EED: variants seen among roughly 807,000 people sequenced by gnomAD.
EED encodes the protein polycomb protein EED.
Under a neutral mutation model 61.0 loss-of-function variants are expected in EED, and 9 were observed. The ratio of observed to expected loss-of-function variants is 0.15; its 90% confidence interval spans 0.09 to 0.26. The LOEUF (loss-of-function observed/expected upper bound fraction) is 0.26. Among genes scored for constraint, EED ranks in the 10% least tolerant of loss-of-function variants. EED has a pLI of 1.00. For synonymous variants in EED, 187 were observed against 174.4 expected (o/e 1.07, Z -0.57); for missense variants, 315 against 542.3 (o/e 0.58, Z 4.16).
intron 6 of EED, among the ~76,000 whole-genome samples, chr11:86,263,052 C>T (rs2138186940): frequency 1.3e-5 from 2 of 152,278 alleles, no homozygotes; most frequent in East Asian, 3.9e-4. Flanking sequence ...AAGTGATCCT[C>T]CTGCCTCAAT....
intron 9 of EED, 179 bp from the exon 10 acceptor site, chr11:86,276,801 G>A (rs1246203937): frequency 7.3e-6 from 3 of 411,712 alleles, no homozygotes; most frequent in Non-Finnish European, 1.3e-5. Flanking sequence ...CAGATTTCTT[G>A]TCCTTAAGTA....
chr11:86,247,753 T>C (rs1302853359), intron 1 of EED, among the ~76,000 whole-genome samples: 1 of 152,176 alleles, frequency 6.6e-6, no homozygotes, highest in Non-Finnish European at 1.5e-5. Flanking sequence ...ATAAGGGCAA[T>C]AGTTTTACTC....
chr11:86,256,528 T>G lies in EED; in HGVS notation c.552+16T>G. 6.5e-7 allele frequency: 1 copy of G among 1,539,312 alleles called. No homozygotes were observed. The highest frequency in any genetic ancestry group is 8.8e-7 in the Non-Finnish European group (1 of 1,136,912). On this transcript the variant is annotated intron_variant, in intron 5 of 11. Transcript: ENST00000263360. ...GTGTATAAAGGTGGGTTTTTCTGGT[T>G]AAATTGTAGATCTGCTTCTTTTGAA...
chr11:86,248,741 G>GGGCGCA (rs3070868), intron 1 of EED, among the ~76,000 whole-genome samples: 3,613 of 152,238 alleles, frequency 0.024, 149 homozygotes, highest in East Asian at 0.14. Context: ...AGTTGTGGCT[G>GGGCGCA]GGCGCAGTGG....
downstream of EED, among the ~76,000 whole-genome samples, chr11:86,281,629 T>A (rs965098274): frequency 6.6e-6 from 1 of 152,198 alleles, no homozygotes; most frequent in Non-Finnish European, 1.5e-5. Context: ...CATTTTCATT[T>A]GTCTCAAGGT....
chr11:86,284,006 C>T, the EED span: 7 of 152,306 alleles, frequency 4.6e-5, no homozygotes, highest in Non-Finnish European at 1.0e-4. Context: ...TCGTGTCTCC[C>T]ACTTTGACTG....
chr11:86,273,390 T>C lies in EED; in HGVS notation c.967-3590T>C, dbSNP rs551819898. ...TTTATAATTGTCTTAAATATTTATT[T>C]GTATTTGAGAACCATATCAGTTTTT... On this transcript the variant is annotated intron_variant, in intron 9 of 11. Coordinates refer to ENST00000263360, the MANE Select transcript of EED (RefSeq NM_003797.5). 1.4e-4 allele frequency among the ~76,000 whole-genome samples: 22 copies of C among 152,384 alleles called. No individual in the cohort carries two copies. In the East Asian group the frequency reaches 4.0e-3, roughly 28 times the overall value.
chr11:86,255,327 A>T (rs1400603399), intron 4 of EED, 40 bp downstream of exon 4: 1 of 1,502,436 alleles, frequency 6.7e-7, no homozygotes, highest in East Asian at 2.3e-5. Context: ...AGTCAAAGGA[A>T]TTTATTTTCA....
chr11:86,256,552 A>G (rs761264705), intron 5 of EED, 40 bp downstream of exon 5: 2 of 1,505,040 alleles, frequency 1.3e-6, no homozygotes, highest in Non-Finnish European at 1.8e-6. Flanking sequence ...GCTTCTTTTG[A>G]ATCCACAACT....
intron 6 of EED, among the ~76,000 whole-genome samples, chr11:86,262,672 C>G (rs570347106): frequency 6.6e-6 from 1 of 151,774 alleles, no homozygotes; most frequent in African/African-American, 2.4e-5. Flanking sequence ...CACCACACCC[C>G]GCTAGTTTTT....
At chr11:86,258,119 C>G (rs1299634124) in intron 6 of EED, among the ~76,000 whole-genome samples, 1 of 151,798 alleles carries the variant, frequency 6.6e-6, no homozygotes, top group Non-Finnish European at 1.5e-5. Context: ...TCCAGTAGGC[C>G]CCAGTGTATG....
At chr11:86,258,538 C>CT (rs1439257292) in intron 6 of EED, among the ~76,000 whole-genome samples, 2 of 143,258 alleles carry the variant, frequency 1.4e-5, no homozygotes, top group East Asian at 2.1e-4. Context: ...TTTTTTTTCT[C>CT]TTTTCTTTGT....
chr11:86,258,702 T>C (rs1454124642), intron 6 of EED, among the ~76,000 whole-genome samples: 1 of 148,554 alleles, frequency 6.7e-6, no homozygotes, highest in Non-Finnish European at 1.5e-5. Flanking sequence ...ATTACAGGCA[T>C]GTACCACCAT....
chr11:86,278,323 T>C, intron 11 of EED, 76 bp from the exon 12 acceptor site: 1 of 1,531,520 alleles, frequency 6.5e-7, no homozygotes, highest in Non-Finnish European at 8.8e-7. Context: ...CTGCTTATTT[T>C]CTAATCCGCT....
At position 86,257,458 on chromosome 11, in the gene EED, A is replaced by T. The variant is rs1945708912; in HGVS notation, c.553-57A>T. On this transcript the variant is annotated intron_variant, in intron 5 of 11. Coordinates refer to ENST00000263360, the MANE Select transcript of EED (RefSeq NM_003797.5). ...TTTTTACATTCTCTAAAGATTTATG[A>T]AAAAAAATTTACTGATTTTGAGATA... 3.6e-6 allele frequency: 5 copies of T among 1,395,112 alleles called. No homozygotes were observed. In the South Asian group the frequency reaches 6.8e-5, roughly 19 times the overall value. The allele number at this position is 1,395,112 out of a possible 1,614,324, so 86.4% of individuals were successfully genotyped here. A position where few individuals can be genotyped will look rare whatever the true frequency, so the allele number is the denominator to read the frequency against.
At chr11:86,282,397 C>G (rs536118563), downstream of EED, among the ~76,000 whole-genome samples, 1 of 152,222 alleles carries the variant, frequency 6.6e-6, no homozygotes, top group African/African-American at 2.4e-5. Flanking sequence ...TAATTCTTAA[C>G]AGATTATTCT....
chr11:86,250,175 A>AT, intron 1 of EED, 121 bp from the exon 2 acceptor site: 2 of 931,248 alleles, frequency 2.1e-6, no homozygotes, highest in Non-Finnish European at 1.5e-6. Context: ...GCAAGAATAC[A>AT]TTTTTTTCTT....
intron 6 of EED, among the ~76,000 whole-genome samples, chr11:86,262,194 C>A (rs1452225748): frequency 6.6e-6 from 1 of 151,186 alleles, no homozygotes; most frequent in Non-Finnish European, 1.5e-5. Flanking sequence ...CTTTTTTTTT[C>A]TTTACATGGC....
intron 11 of EED, 137 bp from the exon 12 acceptor site, chr11:86,278,262 C>T: frequency 7.2e-7 from 1 of 1,388,374 alleles, no homozygotes; most frequent in Non-Finnish European, 9.4e-7. Context: ...AGACTGAGCT[C>T]TTAGTGAAGT....
Sources: allele counts gnomAD v4.1 joint callset (sites outside exome capture counted in the v4.1 genomes callset), GRCh38; gene constraint gnomAD v4.1.1; transcripts MANE v1.5; gene names NCBI Gene and HGNC (gene_info 2026-07-23, HGNC 2026-07-21).